Variants in CBR4 observed in about 807,000 individuals in gnomAD.
The protein encoded by CBR4 is 3-oxoacyl-[acyl-carrier-protein] reductase.
A neutral mutation model predicts 21.0 loss-of-function variants in CBR4; 22 were observed. That is an observed-to-expected ratio of 1.05 (90% CI 0.75 to 1.50). CBR4 has a LOEUF of 1.50. Among genes scored for constraint, CBR4 ranks in the 40% most tolerant of loss-of-function variants. The pLI is 0.00. For synonymous variants in CBR4, 100 were observed against 104.4 expected, an observed-to-expected ratio of 0.96 and a Z score of 0.26; for missense variants, 302 against 286.3, an observed-to-expected ratio of 1.05 and a Z score of -0.40.
intron 2 of CBR4, among the ~76,000 whole-genome samples, chr4:168,955,853 G>A (rs11947425): frequency 0.056 from 8,538 of 152,214 alleles, 753 homozygotes; most frequent in African/African-American, 0.19. Flanking sequence ...TCTGAGCTCA[G>A]TACAACTTGA....
intron 2 of CBR4, among the ~76,000 whole-genome samples, chr4:168,931,564 C>T (rs1166045229): frequency 1.3e-5 from 2 of 152,034 alleles, no homozygotes; most frequent in East Asian, 3.9e-4. Flanking sequence ...CTGAGAGGCA[C>T]ACCACTGTCC....
chr4:169,001,342 T>C (rs1390200073), intron 4 of CBR4: 1 of 152,096 alleles, frequency 6.6e-6, no homozygotes. Context: ...TTCCATAAAC[T>C]AGCTGTGTAA....
chr4:168,915,609 A>T (rs990376850), intron 2 of CBR4, among the ~76,000 whole-genome samples: 5 of 152,208 alleles, frequency 3.3e-5, no homozygotes, highest in African/African-American at 9.6e-5. Flanking sequence ...ATAAATATTT[A>T]AAAATATTTA....
chr4:169,001,980 T>C, intron 4 of CBR4, 91 bp downstream of exon 4: 1 of 1,172,694 alleles, frequency 8.5e-7, no homozygotes, highest in South Asian at 2.0e-5. Context: ...CAAACTATTC[T>C]ACCCAGATGT....
At chr4:168,962,883 A>C (rs1763903578) in intron 2 of CBR4, among the ~76,000 whole-genome samples, 1 of 152,110 alleles carries the variant, frequency 6.6e-6, no homozygotes, top group Admixed American at 6.6e-5. Flanking sequence ...ATGTCATAGA[A>C]CCCAAGGGGC....
chr4:168,946,019 A>C (rs1763388367), intron 2 of CBR4, among the ~76,000 whole-genome samples: 1 of 152,170 alleles, frequency 6.6e-6, no homozygotes. Context: ...GTACTTCTGC[A>C]AGTCAACAGA....
chr4:168,896,576 G>A, intron 2 of CBR4: 1 of 1,517,996 alleles, frequency 6.6e-7, no homozygotes, highest in Non-Finnish European at 8.9e-7. Context: ...TGCTTCTGTA[G>A]GGAGTCCTCT....
chr4:168,983,658 C>G (rs544177091), downstream of CBR4, among the ~76,000 whole-genome samples: 5 of 151,916 alleles, frequency 3.3e-5, no homozygotes, highest in South Asian at 8.3e-4. Flanking sequence ...CAAAAATCCT[C>G]AACAAAATAC....
intron 2 of CBR4, among the ~76,000 whole-genome samples, chr4:168,952,509 A>G (rs547321911): frequency 1.3e-5 from 2 of 152,242 alleles, no homozygotes; most frequent in Middle Eastern, 3.4e-3. Flanking sequence ...TCATATTACC[A>G]GAGTTGGTTT....
At chr4:168,983,191 G>T (rs1369962795), downstream of CBR4, among the ~76,000 whole-genome samples, 1 of 151,592 alleles carries the variant, frequency 6.6e-6, no homozygotes, top group African/African-American at 2.4e-5. Context: ...TTTTAAAAAG[G>T]GACAAGATCC....
At chr4:168,953,180 G>A (rs559226532) in intron 2 of CBR4, among the ~76,000 whole-genome samples, 4 of 152,218 alleles carry the variant, frequency 2.6e-5, no homozygotes, top group African/African-American at 9.6e-5. Flanking sequence ...AGTCATGTAG[G>A]TTGTCAGCGA....
At chr4:168,934,272 G>GAAAAAAAAAAAA in intron 2 of CBR4, among the ~76,000 whole-genome samples, 1 of 1,638 alleles carries the variant, frequency 6.1e-4, no homozygotes, top group Non-Finnish European at 1.4e-3. Flanking sequence ...AACTAGAAAA[G>GAAAAAAAAAAAA]CAAAAAAAAC....
At chr4:169,008,672 G>A (rs182040103) in intron 1 of CBR4, among the ~76,000 whole-genome samples, 5 of 152,278 alleles carry the variant, frequency 3.3e-5, no homozygotes, top group African/African-American at 7.2e-5. Flanking sequence ...TTCACCCGAA[G>A]ACTTGTGTCC....
At chr4:168,944,912 T>C (rs940291757) in intron 2 of CBR4, among the ~76,000 whole-genome samples, 4 of 152,244 alleles carry the variant, frequency 2.6e-5, no homozygotes, top group African/African-American at 7.2e-5. Flanking sequence ...GTTCAGAGCA[T>C]GTGACATTTC....
Position 168,923,426 on chromosome 4 carries a change from G to A in CBR4, n.170-28661C>T, listed in dbSNP as rs1268974533. On this transcript the variant is annotated intron_variant and non_coding_transcript_variant, in intron 2 of 3. Coordinates refer to the CBR4 transcript ENST00000509108. ...AAAGGAATGCATTCTCAGATTCATT[G>A]TTGGTAGTTCAAAAGAAAATAAGTA... Among the ~76,000 whole-genome samples, 3 of 152,320 alleles carry A rather than the reference G, an allele frequency of 2.0e-5. No homozygotes were observed. The East Asian group carries it at 5.8e-4, about 29-fold the overall frequency.
At chr4:168,962,620 C>T (rs1763894111) in intron 2 of CBR4, among the ~76,000 whole-genome samples, 1 of 152,092 alleles carries the variant, frequency 6.6e-6, no homozygotes, top group Non-Finnish European at 1.5e-5. Flanking sequence ...TTTGAGGAAT[C>T]TGTAGGATAT....
chr4:168,935,664 A>G (rs1452372962), intron 2 of CBR4, among the ~76,000 whole-genome samples: 1 of 152,212 alleles, frequency 6.6e-6, no homozygotes, highest in Non-Finnish European at 1.5e-5. Flanking sequence ...AAATGGGCAG[A>G]GCCCACCACA....
At chr4:168,987,110 T>C (rs908669436), downstream of CBR4, among the ~76,000 whole-genome samples, 1 of 152,198 alleles carries the variant, frequency 6.6e-6, no homozygotes, top group African/African-American at 2.4e-5. Context: ...CCATCTCCAT[T>C]TGGATTATTA....
rs1450806057 is a variant in CBR4, at chr4:168,990,366, C to A, written c.536-38G>T. On this transcript the variant is annotated intron_variant, in intron 4 of 4. Transcript: ENST00000306193. ...TGTTTGTTTAGTTGAAAAGGGTACA[C>A]ACTAAGACATCTGCTGAATTTCAAA... The A allele has an allele frequency of 4.3e-6, 6 of 1,402,588 alleles. No homozygotes were observed. The South Asian group carries it at 5.1e-5, about 12-fold the overall frequency. The allele number at this position is 1,402,588 out of a possible 1,614,324, so 86.9% of individuals were successfully genotyped here.
Sources: gnomAD v4.1 joint callset for allele counts (sites outside exome capture counted in the v4.1 genomes callset) on GRCh38, gnomAD v4.1.1 for gene constraint, MANE v1.5 for transcripts, NCBI Gene and HGNC (gene_info 2026-07-23, HGNC 2026-07-21) for gene names.